The following ARHGEF7 variants were observed in gnomAD, a reference collection of about 807,000 sequenced individuals.
ARHGEF7 encodes the protein PAK-interacting exchange factor beta.
In ARHGEF7, 33 loss-of-function variants were observed where a neutral mutation model predicts 109.8. The observed-to-expected ratio is 0.30, with a 90% CI of 0.23 to 0.40. ARHGEF7 has a LOEUF of 0.40. Ranked by LOEUF, ARHGEF7 falls within the 10% of genes least tolerant of loss-of-function variation. The pLI, the probability that ARHGEF7 is intolerant of heterozygous loss-of-function variation, is 1.00. For missense variants in ARHGEF7, 938 were observed against 1,098.5 expected, an observed-to-expected ratio of 0.85 and a Z score of 2.07; for synonymous variants, 458 against 424.6, an observed-to-expected ratio of 1.08 and a Z score of -0.97.
intron 1 of ARHGEF7, among the ~76,000 whole-genome samples, chr13:111,128,612 A>G (rs1232289162): frequency 1.3e-5 from 2 of 152,250 alleles, no homozygotes; most frequent in Non-Finnish European, 2.9e-5. Context: ...AATGATCAGA[A>G]ATTGAAACTT....
chr13:111,219,389 T>G (rs942883879), intron 5 of ARHGEF7, among the ~76,000 whole-genome samples: 2 of 152,252 alleles, frequency 1.3e-5, no homozygotes, highest in African/African-American at 4.8e-5. Flanking sequence ...CAACATTGTG[T>G]GTTGATGGGA....
intron 3 of ARHGEF7, 32 bp from the exon 4 acceptor site, chr13:111,209,840 G>A: frequency 6.2e-7 from 1 of 1,607,568 alleles, no homozygotes; most frequent in East Asian, 2.2e-5. Flanking sequence ...GGCGCTCTCA[G>A]CTCTCTTTTT....
chr13:111,230,597 G>A lies in ARHGEF7; in HGVS notation c.671-2608G>A, dbSNP rs79071054. ...AGAAGCCAGGAGTGGCCTTGCTGGGGTCTGGCAGCCAGGGGCTTCCTGTCT... is the reference window on the plus strand; with the variant it reads ...AGAAGCCAGGAGTGGCCTTGCTGGGATCTGGCAGCCAGGGGCTTCCTGTCT... On this transcript the variant is annotated intron_variant, in intron 5 of 21. Transcript: ENST00000646102. 9.8e-3 allele frequency among the ~76,000 whole-genome samples: 1,495 copies of A among 152,334 alleles called. 16 individuals carry two copies. The highest frequency in any genetic ancestry group is 0.02 in the Middle Eastern group (6 of 294).
In ARHGEF7 at chr13:111,304,247, A is replaced by G. The variant is rs2093619325; in HGVS notation, c.*1134A>G. The G allele has an allele frequency of 6.6e-6, 1 of 152,246 alleles. No individual in the cohort carries two copies. 9.4% of individuals were successfully genotyped at this position (152,246 alleles called of 1,614,324 possible). ...TTTCCCCCACTGTGTTCCAGTGCAGAGGAGACGAAGCCTGTCCTCACCGCG... is the reference window on the plus strand; with the variant it reads ...TTTCCCCCACTGTGTTCCAGTGCAGGGGAGACGAAGCCTGTCCTCACCGCG... On this transcript the variant is annotated 3_prime_UTR_variant, in exon 22 of 22. Transcript: ENST00000646102.
chr13:111,188,051 C>T (rs908092855), intron 2 of ARHGEF7, among the ~76,000 whole-genome samples: 1 of 152,234 alleles, frequency 6.6e-6, no homozygotes, highest in Non-Finnish European at 1.5e-5. Context: ...TGCCTGACTG[C>T]TGAGGCTAGC....
intron 3 of ARHGEF7, 28 bp downstream of exon 3, chr13:111,205,401 G>A (rs747716762): frequency 1.3e-6 from 2 of 1,506,598 alleles, no homozygotes; most frequent in Admixed American, 4.4e-5. Flanking sequence ...TGAACTCGAG[G>A]GGGTGGGAAG....
chr13:111,281,664 G>T (rs569965729), intron 15 of ARHGEF7, among the ~76,000 whole-genome samples: 2 of 152,102 alleles, frequency 1.3e-5, no homozygotes, highest in Non-Finnish European at 2.9e-5. Flanking sequence ...GTGTGTACAC[G>T]TGTGTTTATA....
chr13:111,298,128 A>G (rs747795566), intron 19 of ARHGEF7, among the ~76,000 whole-genome samples: 4 of 152,250 alleles, frequency 2.6e-5, no homozygotes, highest in Non-Finnish European at 4.4e-5. Flanking sequence ...TTTGCAGGGA[A>G]GAGTAAGTGA....
At chr13:111,230,922 T>C (rs752481242) in intron 5 of ARHGEF7, among the ~76,000 whole-genome samples, 18 of 152,240 alleles carry the variant, frequency 1.2e-4, no homozygotes, top group Non-Finnish European at 2.2e-4. Flanking sequence ...AAGCTTTTTC[T>C]TTTGAAAACT....
intron 1 of ARHGEF7, among the ~76,000 whole-genome samples, chr13:111,132,753 T>G (rs1161905860): frequency 6.6e-6 from 1 of 152,180 alleles, no homozygotes; most frequent in African/African-American, 2.4e-5. Flanking sequence ...ACTCAAAGCA[T>G]GAAAACATGA....
intron 8 of ARHGEF7, among the ~76,000 whole-genome samples, chr13:111,256,688 T>C (rs950102174): frequency 6.6e-6 from 1 of 152,240 alleles, no homozygotes; most frequent in Non-Finnish European, 1.5e-5. Context: ...TTTAGAAACC[T>C]TTAGTGTATC....
At chr13:111,153,693 T>G (rs9555774) in intron 1 of ARHGEF7, 116,437 of 1,275,966 alleles carry the variant, frequency 0.091, 5,789 homozygotes, top group Admixed American at 0.19. Flanking sequence ...GGGGCAGAGA[T>G]TGGTGCAGCC....
chr13:111,145,665 G>A lies in ARHGEF7; in HGVS notation c.166-8240G>A, dbSNP rs536863837. 6.6e-6 allele frequency among the ~76,000 whole-genome samples: 1 copy of A among 152,302 alleles called. No individual in the cohort carries two copies. Among genetic ancestry groups the A allele is most frequent in the South Asian group, 2.1e-4 (1 of 4,824 alleles). On this transcript the variant is annotated intron_variant, in intron 1 of 21. Transcript: ENST00000646102. This position sits in a 1 kb window ranked among gnomAD's most constrained non-coding sequence, Gnocchi z 4.3. ...GGGTGACACCCATACAGCCCACTGT[G>A]AGCCAGCTCCAGCATCTACTGCTCT...
chr13:111,164,819 G>T (rs1353999966), intron 2 of ARHGEF7, among the ~76,000 whole-genome samples: 3 of 152,186 alleles, frequency 2.0e-5, no homozygotes. Context: ...AACAATCCCT[G>T]CTACTAAAGA....
chr13:111,296,039 G>A (rs543339052), intron 19 of ARHGEF7, among the ~76,000 whole-genome samples: 1 of 152,334 alleles, frequency 6.6e-6, no homozygotes, highest in South Asian at 2.1e-4. Context: ...TGCTCCTGGA[G>A]CAGTTAGTTG....
At chr13:111,168,734 A>G (rs2077333447) in intron 2 of ARHGEF7, among the ~76,000 whole-genome samples, 2 of 152,230 alleles carry the variant, frequency 1.3e-5, no homozygotes, top group African/African-American at 4.8e-5. Context: ...TTTTGAAACT[A>G]AACAAAGGAA....
At chr13:111,260,914 A>G (rs571127190) in intron 8 of ARHGEF7, among the ~76,000 whole-genome samples, 5 of 152,214 alleles carry the variant, frequency 3.3e-5, no homozygotes, top group East Asian at 1.9e-4. Flanking sequence ...TACACAATCA[A>G]TGTTGTCATT....
intron 2 of ARHGEF7, among the ~76,000 whole-genome samples, chr13:111,201,173 C>T (rs911006962): frequency 2.6e-5 from 4 of 152,160 alleles, no homozygotes; most frequent in East Asian, 3.8e-4. Flanking sequence ...TGAGGTTCTC[C>T]GACCTACGAT....
intron 2 of ARHGEF7, among the ~76,000 whole-genome samples, chr13:111,190,212 A>G (rs1011881641): frequency 6.6e-6 from 1 of 152,212 alleles, no homozygotes; most frequent in Non-Finnish European, 1.5e-5. Context: ...GAGGTTAAAA[A>G]TACAGGGCCC....
Sources: allele counts gnomAD v4.1 joint callset (sites outside exome capture counted in the v4.1 genomes callset), GRCh38; gene constraint gnomAD v4.1.1; non-coding constraint Gnocchi (gnomAD v3.1); transcripts MANE v1.5; gene names NCBI Gene and HGNC (gene_info 2026-07-23, HGNC 2026-07-21).